Variants in QKI observed in about 807,000 individuals in gnomAD.
The protein encoded by QKI is QKI, KH domain containing RNA binding, also known as KH domain-containing RNA-binding protein QKI.
QKI carries 10 observed loss-of-function variants against 39.0 expected under a neutral mutation model. The observed-to-expected ratio is 0.26, with a 90% CI of 0.16 to 0.43. The LOEUF (loss-of-function observed/expected upper bound fraction) is 0.43, where lower values mean the gene tolerates loss of function less well. QKI is among the 20% of genes least tolerant of loss of function. The pLI is 1.00. For synonymous variants in QKI, 204 were observed against 155.4 expected, an observed-to-expected ratio of 1.31 and a Z score of -2.33; for missense variants, 218 against 428.0, an observed-to-expected ratio of 0.51 and a Z score of 4.33.
In QKI at chr6:163,492,221, C is replaced by T. The variant is rs1007723605; in HGVS notation, c.402+13325C>T. On this transcript the variant is annotated intron_variant, in intron 3 of 7. Coordinates refer to ENST00000361752, the MANE Select transcript of QKI (RefSeq NM_006775.3). ...ATATATTAACAACAAATTATTAGGC[C>T]GTTTCATAAGCCTAGGGAGCCATCC... 4.6e-5 allele frequency among the ~76,000 whole-genome samples: 7 copies of T among 152,044 alleles called. No individual in the cohort carries two copies. The East Asian group carries it at 9.6e-4, about 21-fold the overall frequency.
At chr6:163,502,413 A>G (rs1024582506) in intron 3 of QKI, among the ~76,000 whole-genome samples, 5 of 152,174 alleles carry the variant, frequency 3.3e-5, no homozygotes, top group African/African-American at 4.8e-5. Context: ...CTTGTAGACT[A>G]GTTAAAGCTT....
intron 6 of QKI, chr6:163,565,788 C>A (rs906263709): frequency 3.6e-5 from 47 of 1,315,182 alleles, no homozygotes; most frequent in Non-Finnish European, 4.4e-5. Context: ...AGATAACATG[C>A]ATGCTATTTA....
intron 2 of QKI, among the ~76,000 whole-genome samples, chr6:163,477,679 A>G (rs911824707): frequency 5.3e-5 from 8 of 152,196 alleles, no homozygotes; most frequent in African/African-American, 1.7e-4. Context: ...AATAAGATGT[A>G]TGAAAATCCC....
intron 3 of QKI, among the ~76,000 whole-genome samples, chr6:163,529,382 T>A (rs892334010): frequency 8.5e-5 from 13 of 152,164 alleles, no homozygotes; most frequent in African/African-American, 3.1e-4. Flanking sequence ...TAAATACTTG[T>A]TTAGAGCCAG....
chr6:163,469,975 G>A (rs563470499), intron 2 of QKI, among the ~76,000 whole-genome samples: 1 of 152,214 alleles, frequency 6.6e-6, no homozygotes, highest in Non-Finnish European at 1.5e-5. Context: ...GTTTGTTAAG[G>A]ACTGACAAGA....
chr6:163,546,881 A>G (rs1781914095), intron 4 of QKI, among the ~76,000 whole-genome samples: 1 of 152,144 alleles, frequency 6.6e-6, no homozygotes, highest in South Asian at 2.1e-4. Context: ...TTGCCAAATT[A>G]TATAAATAAG....
chr6:163,476,537 T>G (rs1006572377), intron 2 of QKI, among the ~76,000 whole-genome samples: 1 of 152,234 alleles, frequency 6.6e-6, no homozygotes, highest in Non-Finnish European at 1.5e-5. Flanking sequence ...AGTCATATAA[T>G]GGAACACAGA....
At chr6:163,475,770 A>G (rs1460252067) in intron 2 of QKI, among the ~76,000 whole-genome samples, 2 of 152,232 alleles carry the variant, frequency 1.3e-5, no homozygotes, top group East Asian at 3.8e-4. Flanking sequence ...TTAACAATAA[A>G]GCTTCTAGAA....
intron 3 of QKI, among the ~76,000 whole-genome samples, chr6:163,527,545 C>G (rs1434761381): frequency 3.9e-5 from 6 of 152,060 alleles, no homozygotes; most frequent in Non-Finnish European, 5.9e-5. Flanking sequence ...AGTCTGTCAG[C>G]AGGGGTGGGA....
chr6:163,544,585 T>C (rs1466427108), intron 4 of QKI, among the ~76,000 whole-genome samples: 1 of 152,118 alleles, frequency 6.6e-6, no homozygotes, highest in African/African-American at 2.4e-5. Context: ...GTTCTTACAT[T>C]GGTGGTTTGT....
chr6:163,438,377 C>T (rs1281804269), intron 1 of QKI, among the ~76,000 whole-genome samples: 2 of 152,088 alleles, frequency 1.3e-5, no homozygotes, highest in Non-Finnish European at 2.9e-5. Context: ...TACACATACA[C>T]ATAAAGTCAT....
chr6:163,539,479 C>T (rs1781387176), intron 4 of QKI, among the ~76,000 whole-genome samples: 1 of 152,084 alleles, frequency 6.6e-6, no homozygotes, highest in African/African-American at 2.4e-5. Flanking sequence ...ATTGCTTCAC[C>T]TGCAGTGATC....
At chr6:163,498,259 A>C (rs1778532584) in intron 3 of QKI, among the ~76,000 whole-genome samples, 1 of 151,944 alleles carries the variant, frequency 6.6e-6, no homozygotes, top group South Asian at 2.1e-4. Context: ...CATTTAACAA[A>C]TTTGCACAAT....
intron 7 of QKI, 23 bp from the exon 8 acceptor site, chr6:163,570,671 T>C: frequency 6.2e-7 from 1 of 1,611,532 alleles, no homozygotes; most frequent in Non-Finnish European, 8.5e-7. Context: ...TTGTTTTGTT[T>C]TTTTTTGTTT....
intron 1 of QKI, among the ~76,000 whole-genome samples, chr6:163,450,509 C>G (rs1444201255): frequency 6.6e-6 from 1 of 151,914 alleles, no homozygotes; most frequent in African/African-American, 2.4e-5. Context: ...TACTTTAAAA[C>G]CTTTTAGTGA....
rs1446285048 is a variant in QKI at position 163,576,834 on chromosome 6, T to C, written c.*6124T>C. ...AAAAGAAAATGTAAGAATTTGACATTCTGGAGTTATTATAACATTAGAAAA... is the reference window on the plus strand; with the variant it reads ...AAAAGAAAATGTAAGAATTTGACATCCTGGAGTTATTATAACATTAGAAAA... On this transcript the variant is annotated 3_prime_UTR_variant, in exon 8 of 8. Transcript: ENST00000361752. 2 of 152,222 alleles carry C rather than the reference T, an allele frequency of 1.3e-5. No individual in the cohort carries two copies. The highest frequency in any genetic ancestry group is 3.8e-4 in the East Asian group (2 of 5,198). The allele number at this position is 152,222 out of a possible 1,614,324, so 9.4% of individuals were successfully genotyped here. A position where few individuals can be genotyped will look rare whatever the true frequency, so the allele number is the denominator to read the frequency against.
intron 3 of QKI, among the ~76,000 whole-genome samples, chr6:163,485,404 T>C (rs1777593032): frequency 6.6e-6 from 1 of 152,192 alleles, no homozygotes; most frequent in Non-Finnish European, 1.5e-5. Flanking sequence ...ATGTAAGCCA[T>C]TAAAACAGAA....
At chr6:163,451,647 G>T (rs1042823242) in intron 1 of QKI, among the ~76,000 whole-genome samples, 2 of 152,170 alleles carry the variant, frequency 1.3e-5, no homozygotes, top group Non-Finnish European at 2.9e-5. Flanking sequence ...CATGTTGGGA[G>T]ATTTTTTGTA....
chr6:163,421,070 TA>T (rs148132813), intron 1 of QKI, among the ~76,000 whole-genome samples: 21,926 of 151,546 alleles, frequency 0.14, 2,173 homozygotes, highest in Admixed American at 0.33. Flanking sequence ...GCACATGGTT[TA>T]AAAAAAAATG....
Sources: gnomAD v4.1 joint callset for allele counts (sites outside exome capture counted in the v4.1 genomes callset) on GRCh38, gnomAD v4.1.1 for gene constraint, MANE v1.5 for transcripts, NCBI Gene and HGNC (gene_info 2026-07-23, HGNC 2026-07-21) for gene names.